RIMS2: variants seen among roughly 807,000 people sequenced by gnomAD.
RIMS2 encodes the protein regulating synaptic membrane exocytosis 2.
A neutral mutation model predicts 174.4 loss-of-function variants in RIMS2; 59 were observed. That is an observed-to-expected ratio of 0.34 (90% CI 0.27 to 0.42). RIMS2 has a LOEUF of 0.42. RIMS2 is among the 10% of genes least tolerant of loss of function. The pLI is 1.00. For missense variants in RIMS2, 1,620 were observed against 1,666.3 expected (o/e 0.97, Z 0.48); for synonymous variants, 606 against 572.5 (o/e 1.06, Z -0.84).
chr8:104,015,495 CT>C (rs750722878), intron 19 of RIMS2: 6 of 646,562 alleles, frequency 9.3e-6, no homozygotes, highest in East Asian at 2.8e-5. Flanking sequence ...TGCTAACAGC[CT>C]TTTTGGGGGG....
chr8:103,931,406 A>T lies in RIMS2; in HGVS notation c.2375+13A>T. On this transcript the variant is annotated intron_variant, in intron 12 of 23. Transcript: ENST00000504942. ...TTCCAGACAGAAGGTAAGGATATAA[A>T]ACAAAATAAATGTTCTGGAAAATAA... 6.5e-7 allele frequency: 1 copy of T among 1,545,626 alleles called. No individual in the cohort carries two copies. Among genetic ancestry groups the T allele is most frequent in the Non-Finnish European group, 8.8e-7 (1 of 1,142,606 alleles).
At chr8:104,161,695 A>T (rs2098762687) in intron 19 of RIMS2, among the ~76,000 whole-genome samples, 1 of 152,200 alleles carries the variant, frequency 6.6e-6, no homozygotes, top group African/African-American at 2.4e-5. Flanking sequence ...TTACCATGCC[A>T]TCCTAAGACT....
chr8:104,053,122 C>T (rs745911943), intron 19 of RIMS2, among the ~76,000 whole-genome samples: 5 of 152,124 alleles, frequency 3.3e-5, no homozygotes, highest in Non-Finnish European at 5.9e-5. Context: ...TTACAATATC[C>T]ATTTAGCTAC....
chr8:104,133,182 G>A (rs968043656), intron 19 of RIMS2, among the ~76,000 whole-genome samples: 2 of 152,094 alleles, frequency 1.3e-5, no homozygotes, highest in Admixed American at 6.6e-5. Context: ...TTTTAAGTGG[G>A]GTACGTAACA....
chr8:103,740,587 C>A (rs1214170039), intron 2 of RIMS2, among the ~76,000 whole-genome samples: 2 of 152,154 alleles, frequency 1.3e-5, no homozygotes, highest in African/African-American at 4.8e-5. Flanking sequence ...TGACATTGAT[C>A]TTGAAATATG....
At chr8:104,146,885 T>TG (rs2098644982) in intron 19 of RIMS2, among the ~76,000 whole-genome samples, 1 of 151,960 alleles carries the variant, frequency 6.6e-6, no homozygotes, top group African/African-American at 2.4e-5. Flanking sequence ...TTTGTAAAGA[T>TG]GGGGTCTCAC....
intron 6 of RIMS2, among the ~76,000 whole-genome samples, chr8:103,913,515 T>C (rs2076129182): frequency 6.6e-6 from 1 of 152,106 alleles, no homozygotes; most frequent in Non-Finnish European, 1.5e-5. Context: ...TTAGGAAACT[T>C]TGGATGTAGG....
At chr8:103,842,345 C>A (rs2098945066) in intron 3 of RIMS2, among the ~76,000 whole-genome samples, 1 of 152,032 alleles carries the variant, frequency 6.6e-6, no homozygotes, top group African/African-American at 2.4e-5. Flanking sequence ...GAAACTGTAG[C>A]AAAATGTTAA....
intron 1 of RIMS2, among the ~76,000 whole-genome samples, chr8:103,505,565 A>T (rs11782041): frequency 6.6e-6 from 1 of 152,310 alleles, no homozygotes; most frequent in African/African-American, 2.4e-5. Context: ...TATCTGTGAT[A>T]AATATCTTCG....
intron 1 of RIMS2, among the ~76,000 whole-genome samples, chr8:103,523,822 A>G (rs955641212): frequency 4.6e-5 from 7 of 152,066 alleles, no homozygotes; most frequent in Admixed American, 1.3e-4. Flanking sequence ...TATTATTTCT[A>G]TCTTCTAAAA....
At chr8:103,844,117 C>T (rs1374798812) in intron 3 of RIMS2, among the ~76,000 whole-genome samples, 1 of 152,236 alleles carries the variant, frequency 6.6e-6, no homozygotes, top group Non-Finnish European at 1.5e-5. Context: ...TGTGAGGCTT[C>T]CCTAGCCACG....
intron 19 of RIMS2, among the ~76,000 whole-genome samples, chr8:104,176,452 T>C (rs2098895703): frequency 6.6e-6 from 1 of 152,058 alleles, no homozygotes; most frequent in South Asian, 2.1e-4. Context: ...CATCAAATCA[T>C]AGTGGGCATG....
At chr8:103,872,459 G>A (rs774154377) in intron 3 of RIMS2, among the ~76,000 whole-genome samples, 1 of 152,150 alleles carries the variant, frequency 6.6e-6, no homozygotes, top group Non-Finnish European at 1.5e-5. Flanking sequence ...TTAACTATAT[G>A]TAACATAGAT....
At chr8:103,613,244 A>T (rs1227882594) in intron 1 of RIMS2, among the ~76,000 whole-genome samples, 1 of 152,160 alleles carries the variant, frequency 6.6e-6, no homozygotes, top group African/African-American at 2.4e-5. Flanking sequence ...CTAAGGTGAC[A>T]CTTAAACCAC....
intron 1 of RIMS2, among the ~76,000 whole-genome samples, chr8:103,640,307 C>G (rs1435778294): frequency 6.6e-6 from 1 of 151,694 alleles, no homozygotes; most frequent in Admixed American, 6.6e-5. Context: ...AGGAATTTAT[C>G]AATTTATTGG....
At chr8:104,166,212 G>T (rs540331631) in intron 19 of RIMS2, among the ~76,000 whole-genome samples, 2 of 151,486 alleles carry the variant, frequency 1.3e-5, no homozygotes, top group Admixed American at 1.3e-4. Flanking sequence ...GACTACAGGC[G>T]CCCGCCACCA....
At chr8:104,198,608 CA>C (rs529884931) in intron 19 of RIMS2, among the ~76,000 whole-genome samples, 35 of 152,242 alleles carry the variant, frequency 2.3e-4, no homozygotes, top group South Asian at 1.2e-3. Flanking sequence ...AAGGAAGAGA[CA>C]AAGAAAAATA....
chr8:103,819,318 G>A (rs920952724), intron 3 of RIMS2: 1 of 1,418,918 alleles, frequency 7.0e-7, no homozygotes, highest in Non-Finnish European at 9.2e-7. Flanking sequence ...AATCTTCTAC[G>A]ACTGAATTAG....
chr8:104,038,538 A>G (rs939203850), intron 19 of RIMS2, among the ~76,000 whole-genome samples: 1 of 151,952 alleles, frequency 6.6e-6, no homozygotes, highest in Non-Finnish European at 1.5e-5. Context: ...CATTAACTGC[A>G]CTAAAAAGTA....
Sources: gnomAD v4.1 joint callset for allele counts (sites outside exome capture counted in the v4.1 genomes callset) on GRCh38, gnomAD v4.1.1 for gene constraint, MANE v1.5 for transcripts, NCBI Gene and HGNC (gene_info 2026-07-23, HGNC 2026-07-21) for gene names.